PDE4D: variants seen among roughly 807,000 people sequenced by gnomAD.
The protein encoded by PDE4D is phosphodiesterase 4D.
PDE4D carries 24 observed loss-of-function variants against 87.4 expected under a neutral mutation model. The observed-to-expected ratio is 0.27, with a 90% CI of 0.20 to 0.39. PDE4D has a LOEUF of 0.39. Ranked by LOEUF, PDE4D falls within the 10% of genes least tolerant of loss-of-function variation. PDE4D has a pLI of 1.00. For missense variants in PDE4D, 714 were observed against 1,041.0 expected (o/e 0.69, Z 4.32); for synonymous variants, 384 against 383.2 (o/e 1.00, Z -0.02).
chr5:60,007,117 T>C (rs989084679), intron 2 of PDE4D, among the ~76,000 whole-genome samples: 2 of 152,028 alleles, frequency 1.3e-5, no homozygotes, highest in African/African-American at 4.8e-5. Context: ...TAACTATGTG[T>C]TCCTTTGCCA....
At chr5:59,559,193 C>A (rs1019869766) in intron 1 of PDE4D, among the ~76,000 whole-genome samples, 1 of 152,110 alleles carries the variant, frequency 6.6e-6, no homozygotes, top group Non-Finnish European at 1.5e-5. Context: ...CCATCCTTCA[C>A]CTTATGAGAT....
At chr5:60,275,308 T>C (rs1229872492) in intron 1 of PDE4D, among the ~76,000 whole-genome samples, 1 of 152,200 alleles carries the variant, frequency 6.6e-6, no homozygotes. Context: ...GCAACTTAGC[T>C]ATCCTCTAAC....
At chr5:59,152,872 C>G (rs926123656) in intron 5 of PDE4D, among the ~76,000 whole-genome samples, 4 of 151,882 alleles carry the variant, frequency 2.6e-5, no homozygotes, top group African/African-American at 9.7e-5. Flanking sequence ...CAGTTCAAGA[C>G]CATAAAACAA....
At chr5:60,177,161 T>C (rs1218067634) in intron 2 of PDE4D, among the ~76,000 whole-genome samples, 2 of 152,054 alleles carry the variant, frequency 1.3e-5, no homozygotes, top group Non-Finnish European at 2.9e-5. Context: ...TTCAGGAAAG[T>C]GAGGAAGAAA....
intron 3 of PDE4D, among the ~76,000 whole-genome samples, chr5:59,946,141 T>TG: frequency 6.6e-6 from 1 of 152,270 alleles, no homozygotes; most frequent in Non-Finnish European, 1.5e-5. Context: ...ATACTGGGCT[T>TG]GGGGGCAGTA....
intron 11 of PDE4D, among the ~76,000 whole-genome samples, chr5:58,987,390 C>T (rs1746710619): frequency 6.6e-6 from 1 of 152,156 alleles, no homozygotes; most frequent in African/African-American, 2.4e-5. Context: ...CTGACTTTTC[C>T]AGTCCTCTAC....
At chr5:59,039,167 G>C in intron 5 of PDE4D, 196 bp from the exon 6 acceptor site, 1 of 1,358,510 alleles carries the variant, frequency 7.4e-7, no homozygotes, top group South Asian at 1.7e-5. Flanking sequence ...GGCCGGCCTC[G>C]GGGAGGCACG....
intron 1 of PDE4D, among the ~76,000 whole-genome samples, chr5:59,247,685 C>G (rs1477060666): frequency 2.0e-5 from 3 of 152,164 alleles, no homozygotes; most frequent in Admixed American, 6.6e-5. Flanking sequence ...GTTTCTGCAA[C>G]CTGTTCTCCT....
At chr5:60,222,519 T>C (rs1266834787) in intron 1 of PDE4D, among the ~76,000 whole-genome samples, 1 of 152,190 alleles carries the variant, frequency 6.6e-6, no homozygotes, top group Non-Finnish European at 1.5e-5. Context: ...AGGAATAGAA[T>C]TTATAGATCA....
At chr5:60,222,803 C>T (rs185640548) in intron 1 of PDE4D, among the ~76,000 whole-genome samples, 4 of 152,172 alleles carry the variant, frequency 2.6e-5, no homozygotes, top group African/African-American at 9.6e-5. Context: ...TTTCACAGGA[C>T]TGTTAATAAG....
At chr5:59,458,408 C>T (rs1225184681) in intron 1 of PDE4D, among the ~76,000 whole-genome samples, 2 of 152,098 alleles carry the variant, frequency 1.3e-5, no homozygotes, top group African/African-American at 4.8e-5. Flanking sequence ...CTCAGTGAAA[C>T]CTCACTGGAA....
chr5:59,157,984 G>A (rs1021481485), intron 5 of PDE4D, among the ~76,000 whole-genome samples: 13 of 152,174 alleles, frequency 8.5e-5, no homozygotes, highest in South Asian at 8.3e-4. Context: ...ATTGATTTGC[G>A]TGAGTGGCTC....
At chr5:60,484,748 T>G (rs1235588123) in intron 1 of PDE4D, among the ~76,000 whole-genome samples, 1 of 152,178 alleles carries the variant, frequency 6.6e-6, no homozygotes, top group Non-Finnish European at 1.5e-5. Context: ...TCAAAAGTTT[T>G]GTCCATTACT....
chr5:60,419,395 T>C (rs1197366341), intron 1 of PDE4D, among the ~76,000 whole-genome samples: 2 of 151,960 alleles, frequency 1.3e-5, no homozygotes, highest in Non-Finnish European at 2.9e-5. Flanking sequence ...AGTATGCACA[T>C]CATGCTATCA....
At chr5:59,474,852 C>A (rs1000529244) in intron 1 of PDE4D, among the ~76,000 whole-genome samples, 5 of 151,900 alleles carry the variant, frequency 3.3e-5, no homozygotes, top group South Asian at 2.1e-4. Context: ...GTATTAAATT[C>A]AAAAATGAAA....
At chr5:59,898,516 T>G (rs1403588901), upstream of PDE4D, among the ~76,000 whole-genome samples, 1 of 152,224 alleles carries the variant, frequency 6.6e-6, no homozygotes, top group East Asian at 1.9e-4. Flanking sequence ...GCATCTAATC[T>G]GAGGCCAAGA....
chr5:59,904,549 T>C (rs571074653), intron 3 of PDE4D, among the ~76,000 whole-genome samples: 1 of 152,288 alleles, frequency 6.6e-6, no homozygotes, highest in East Asian at 1.9e-4. Flanking sequence ...GATGAAAAAG[T>C]CTAGCTCATT....
chr5:60,323,664 T>C (rs1756511834), intron 1 of PDE4D, among the ~76,000 whole-genome samples: 1 of 152,086 alleles, frequency 6.6e-6, no homozygotes, highest in East Asian at 1.9e-4. Context: ...GACTTTCCTT[T>C]GTTCTTGGGA....
chr5:59,342,801 T>C (rs1191127237), intron 1 of PDE4D, among the ~76,000 whole-genome samples: 1 of 152,118 alleles, frequency 6.6e-6, no homozygotes, highest in African/African-American at 2.4e-5. Context: ...AAAAAATTCA[T>C]TTAAAAATAT....
Sources: allele counts gnomAD v4.1 joint callset (sites outside exome capture counted in the v4.1 genomes callset), GRCh38; gene constraint gnomAD v4.1.1; transcripts MANE v1.5; gene names NCBI Gene and HGNC (gene_info 2026-07-23, HGNC 2026-07-21).